RBFOX1: variants seen among roughly 807,000 people sequenced by gnomAD.
The protein encoded by RBFOX1 is RNA binding protein fox-1 homolog 1.
RBFOX1 carries 8 observed loss-of-function variants against 57.7 expected under a neutral mutation model. That is an observed-to-expected ratio of 0.14 (90% CI 0.08 to 0.25). The LOEUF (loss-of-function observed/expected upper bound fraction) is 0.25. Among genes scored for constraint, RBFOX1 ranks in the 10% least tolerant of loss-of-function variants. The probability of loss-of-function intolerance (pLI) is 1.00; values close to 1 mark genes in which losing one functional copy is unlikely to be tolerated. For synonymous variants in RBFOX1, 326 were observed against 222.4 expected (o/e 1.47, Z -4.15); for missense variants, 611 against 548.5 (o/e 1.11, Z -1.14).
intron 4 of RBFOX1, among the ~76,000 whole-genome samples, chr16:7,275,909 G>C (rs1039163601): frequency 6.6e-6 from 1 of 152,174 alleles, no homozygotes; most frequent in African/African-American, 2.4e-5. Context: ...AAGACTTGGT[G>C]TTGCTGACTC....
At chr16:7,202,663 G>A (rs559763829) in intron 4 of RBFOX1, among the ~76,000 whole-genome samples, 139 of 152,230 alleles carry the variant, frequency 9.1e-4, no homozygotes, top group African/African-American at 3.3e-3. Flanking sequence ...GAGCAGCCAC[G>A]GCATTAGGTT....
At chr16:6,552,506 C>T (rs540335169) in intron 2 of RBFOX1, among the ~76,000 whole-genome samples, 1 of 152,146 alleles carries the variant, frequency 6.6e-6, no homozygotes, top group East Asian at 1.9e-4. Flanking sequence ...AGATGTTTGC[C>T]TGGTCTATGG....
intron 4 of RBFOX1, among the ~76,000 whole-genome samples, chr16:7,205,968 A>G (rs1177590941): frequency 6.6e-6 from 1 of 152,254 alleles, no homozygotes; most frequent in East Asian, 1.9e-4. Context: ...GATTTGATCT[A>G]CGACATGATG....
intron 3 of RBFOX1, among the ~76,000 whole-genome samples, chr16:6,668,584 G>C (rs147264945): frequency 1.3e-4 from 20 of 152,290 alleles, no homozygotes; most frequent in Non-Finnish European, 2.2e-4. Context: ...TTTCCTAGGT[G>C]CTCGAGAAGC....
chr16:5,278,363 T>G (rs1477645135), intron 1 of RBFOX1, among the ~76,000 whole-genome samples: 3 of 152,242 alleles, frequency 2.0e-5, no homozygotes, highest in Non-Finnish European at 4.4e-5. Context: ...TTCATTTAAT[T>G]AGATCCCATT....
intron 4 of RBFOX1, among the ~76,000 whole-genome samples, chr16:5,910,169 C>A (rs2058571880): frequency 6.6e-6 from 1 of 152,196 alleles, no homozygotes; most frequent in African/African-American, 2.4e-5. Flanking sequence ...GAAGCCTTTT[C>A]TGTCCTGCAG....
chr16:5,310,696 G>C (rs981082494), intron 1 of RBFOX1, among the ~76,000 whole-genome samples: 2 of 152,220 alleles, frequency 1.3e-5, no homozygotes, highest in African/African-American at 2.4e-5. Flanking sequence ...GTAAACAGTA[G>C]GGTCTTGCTA....
intron 4 of RBFOX1, among the ~76,000 whole-genome samples, chr16:7,380,652 C>A (rs913509890): frequency 6.6e-6 from 1 of 152,246 alleles, no homozygotes; most frequent in South Asian, 2.1e-4. Flanking sequence ...CACCGCTGAT[C>A]ATCCAAATGT....
At chr16:5,855,056 G>A (rs889173979) in intron 3 of RBFOX1, among the ~76,000 whole-genome samples, 3 of 152,136 alleles carry the variant, frequency 2.0e-5, no homozygotes, top group South Asian at 2.1e-4. Flanking sequence ...TCCTTTGTTC[G>A]TTTTGTAATT....
At chr16:6,099,679 C>T (rs1027323796) in intron 1 of RBFOX1, among the ~76,000 whole-genome samples, 1 of 152,094 alleles carries the variant, frequency 6.6e-6, no homozygotes, top group African/African-American at 2.4e-5. Flanking sequence ...TGTCACTTCA[C>T]AAACAGAGTC....
intron 1 of RBFOX1, among the ~76,000 whole-genome samples, chr16:5,356,303 T>C (rs1226662075): frequency 2.0e-5 from 3 of 152,320 alleles, no homozygotes; most frequent in Non-Finnish European, 2.9e-5. Context: ...TTTGAACTTC[T>C]AGGCTACAGA....
intron 2 of RBFOX1, among the ~76,000 whole-genome samples, chr16:6,344,398 C>CTTTTTTTTCTT (rs2085016280): frequency 1.4e-5 from 1 of 71,960 alleles, no homozygotes; most frequent in African/African-American, 1.1e-4. Flanking sequence ...CTTCTTTTTT[C>CTTTTTTTTCTT]TTTTTTTTCT....
chr16:6,063,996 C>T (rs2095724671), intron 1 of RBFOX1, among the ~76,000 whole-genome samples: 1 of 152,186 alleles, frequency 6.6e-6, no homozygotes, highest in African/African-American at 2.4e-5. Context: ...ATTCCTATAA[C>T]CTCTAACCCT....
intron 3 of RBFOX1, among the ~76,000 whole-genome samples, chr16:6,811,376 G>T (rs1302465664): frequency 6.6e-6 from 1 of 152,164 alleles, no homozygotes; most frequent in Non-Finnish European, 1.5e-5. Context: ...TCTATTAAAT[G>T]TGATTAGCTT....
chr16:6,872,192 T>C (rs1215858450), intron 3 of RBFOX1, among the ~76,000 whole-genome samples: 3 of 152,192 alleles, frequency 2.0e-5, no homozygotes. Context: ...AGTCACCAAC[T>C]TGTGCTCAGC....
chr16:5,721,637 C>A (rs1049845266), intron 3 of RBFOX1, among the ~76,000 whole-genome samples: 1 of 152,116 alleles, frequency 6.6e-6, no homozygotes, highest in Admixed American at 6.5e-5. Context: ...TGAAAACATT[C>A]TCTTATGTTC....
At chr16:6,775,250 A>T (rs547927893) in intron 3 of RBFOX1, among the ~76,000 whole-genome samples, 99 of 150,900 alleles carry the variant, frequency 6.6e-4, no homozygotes, top group Non-Finnish European at 1.0e-3. Context: ...GAAAGGCGTG[A>T]AACCGGGAGG....
In RBFOX1 at chr16:7,227,892, G is replaced by T. The variant is rs78257662; in HGVS notation, c.27+175794G>T. On this transcript the variant is annotated intron_variant, in intron 4 of 15. Transcript: ENST00000550418. ...CCTTGCTTTAATGATATTAGCTCAC[G>T]TGGTTATCCTTTCCCTTCTAGCAGG... Among the ~76,000 whole-genome samples, 498 of 152,302 alleles carry T rather than the reference G, an allele frequency of 3.3e-3. 2 individuals are homozygous for T. Among genetic ancestry groups the T allele is most frequent in the African/African-American group, 0.011 (466 of 41,552 alleles).
chr16:7,250,779 A>G (rs1312879239), intron 4 of RBFOX1, among the ~76,000 whole-genome samples: 1 of 152,172 alleles, frequency 6.6e-6, no homozygotes, highest in Non-Finnish European at 1.5e-5. Context: ...CATTCTACCA[A>G]AGAATCAGGC....
Sources: gnomAD v4.1 joint callset for allele counts (sites outside exome capture counted in the v4.1 genomes callset) on GRCh38, gnomAD v4.1.1 for gene constraint, MANE v1.5 for transcripts, NCBI Gene and HGNC (gene_info 2026-07-23, HGNC 2026-07-21) for gene names.